ATF7: variants seen among roughly 807,000 people sequenced by gnomAD.
The protein encoded by ATF7 is activating transcription factor 7, also known as cyclic AMP-dependent transcription factor ATF-7.
ATF7 carries 10 observed loss-of-function variants against 50.4 expected under a neutral mutation model. The observed-to-expected ratio is 0.20, with a 90% CI of 0.12 to 0.34. The LOEUF (loss-of-function observed/expected upper bound fraction) is 0.34. Among genes scored for constraint, ATF7 ranks in the 10% least tolerant of loss-of-function variants. ATF7 has a pLI of 1.00. For synonymous variants in ATF7, 201 were observed against 226.4 expected (o/e 0.89, Z 1.01); for missense variants, 465 against 613.9 (o/e 0.76, Z 2.56).
At chr12:53,615,838 T>C (rs1046804366) in intron 1 of ATF7, among the ~76,000 whole-genome samples, 2 of 151,502 alleles carry the variant, frequency 1.3e-5, no homozygotes, top group Non-Finnish European at 2.9e-5. Context: ...CAGTGAGTTA[T>C]GATCACGCCA....
chr12:53,619,575 G>A (rs1171330074), intron 1 of ATF7, among the ~76,000 whole-genome samples: 6 of 151,938 alleles, frequency 3.9e-5, no homozygotes, highest in Admixed American at 3.9e-4. Flanking sequence ...CACTTTGGGA[G>A]GCCAAAGCAG....
intron 2 of ATF7, among the ~76,000 whole-genome samples, chr12:53,565,501 A>T (rs1041265716): frequency 8.7e-4 from 9 of 10,392 alleles, no homozygotes; most frequent in South Asian, 3.6e-3. Context: ...GGCGGGGGGG[A>T]GGGGGGCAGG....
chr12:53,603,735 A>C (rs1287210759), intron 1 of ATF7, among the ~76,000 whole-genome samples: 1 of 151,824 alleles, frequency 6.6e-6, no homozygotes, highest in Non-Finnish European at 1.5e-5. Flanking sequence ...AAAAAAAAAA[A>C]CACAGCTAAC....
downstream of ATF7, chr12:53,512,013 A>C (rs1377413232): frequency 6.6e-6 from 1 of 152,308 alleles, no homozygotes; most frequent in African/African-American, 2.4e-5. Context: ...AAAAGGGGAC[A>C]ATGGGGGCTG....
At chr12:53,585,465 C>T (rs12580534) in intron 2 of ATF7, among the ~76,000 whole-genome samples, 1 of 152,008 alleles carries the variant, frequency 6.6e-6, no homozygotes, top group African/African-American at 2.4e-5. Flanking sequence ...GAATCCTCTG[C>T]ACTTTTCACT....
intron 3 of ATF7, among the ~76,000 whole-genome samples, chr12:53,545,301 T>TA (rs1310866184): frequency 1.3e-5 from 2 of 152,138 alleles, no homozygotes; most frequent in Non-Finnish European, 1.5e-5. Flanking sequence ...TAATGAATCC[T>TA]AAAAAAATCA....
intron 5 of ATF7, 102 bp downstream of exon 5, chr12:53,537,313 C>T: frequency 7.2e-7 from 1 of 1,393,100 alleles, no homozygotes; most frequent in South Asian, 1.5e-5. Flanking sequence ...AAGTGATTCT[C>T]CCATCTTGGC....
chr12:53,523,073 C>A, intron 11 of ATF7: 2 of 490,386 alleles, frequency 4.1e-6, no homozygotes, highest in African/African-American at 3.9e-5. Flanking sequence ...CCCTTCAACC[C>A]CCAACTATAA....
chr12:53,537,417 TCTC>T lies in ATF7; in HGVS notation c.397_399del (p.Glu133del). The T allele has an allele frequency of 2.5e-6, 4 of 1,613,538 alleles. No individual in the cohort carries two copies. Among genetic ancestry groups the T allele is most frequent in the African/African-American group, 1.3e-5 (1 of 75,016 alleles). ...ATGATCCTTGGTAGAGAATTTACCT[TCTC>T]CTTCAGTGGTGGGGAACAGGGACTA... On this transcript the variant is annotated inframe_deletion, in exon 5 of 12. Coordinates refer to ENST00000420353, the MANE Select transcript of ATF7 (RefSeq NM_006856.3).
At chr12:53,567,533 T>G (rs1592890148) in intron 2 of ATF7, among the ~76,000 whole-genome samples, 1 of 152,314 alleles carries the variant, frequency 6.6e-6, no homozygotes, top group East Asian at 1.9e-4. Context: ...GGAACTACGC[T>G]TAAGAATTAA....
intron 3 of ATF7, among the ~76,000 whole-genome samples, chr12:53,550,116 A>G (rs547527084): frequency 1.1e-4 from 17 of 152,128 alleles, no homozygotes; most frequent in African/African-American, 4.1e-4. Context: ...CGAGGCCAGG[A>G]GTTCAAGACC....
intron 2 of ATF7, among the ~76,000 whole-genome samples, chr12:53,558,753 C>T (rs1940906680): frequency 6.6e-6 from 1 of 152,126 alleles, no homozygotes; most frequent in South Asian, 2.1e-4. Context: ...TTAAGAAATA[C>T]TAAGAAGCAT....
Position 53,531,842 on chromosome 12 carries a change from T to C in ATF7, c.829A>G (p.Met277Val), listed in dbSNP as rs752086200. 2.9e-5 allele frequency: 47 copies of C among 1,613,572 alleles called. 1 individual carries two copies. Among genetic ancestry groups the C allele is most frequent in the Non-Finnish European group, 3.1e-5 (36 of 1,179,864 alleles). The change falls in exon 9 of 12, where the codon ATG becomes GTG. Residue 277 changes from methionine (M) to valine (V), a missense_variant. Transcript: ENST00000420353. ...QVSSINGGCG[M>V]VVGTASTMVT... ...ATGGTGCTGGCAGTACCCACCACCA[T>C]TCCACAACCACCATTGATTGAGGAG...
At chr12:53,569,391 A>G (rs1177529009) in intron 2 of ATF7, among the ~76,000 whole-genome samples, 2 of 152,152 alleles carry the variant, frequency 1.3e-5, no homozygotes, top group Admixed American at 1.3e-4. Flanking sequence ...TGCATCTGCT[A>G]TTCTCTTATA....
At chr12:53,549,146 G>T (rs1402464193) in intron 3 of ATF7, among the ~76,000 whole-genome samples, 1 of 152,046 alleles carries the variant, frequency 6.6e-6, no homozygotes, top group African/African-American at 2.4e-5. Flanking sequence ...AATTAGCCAG[G>T]TGTGGCGGCG....
At chr12:53,546,394 GAA>G (rs1457994209) in intron 3 of ATF7, among the ~76,000 whole-genome samples, 1 of 72,244 alleles carries the variant, frequency 1.4e-5, no homozygotes, top group Non-Finnish European at 2.9e-5. Context: ...AAAAACAGGA[GAA>G]AAAAGAAAAT....
Position 53,514,263 on chromosome 12 carries a change from G to C in ATF7, c.*2874C>G, listed in dbSNP as rs1004583451. On this transcript the variant is annotated 3_prime_UTR_variant, in exon 12 of 12. Coordinates refer to ENST00000420353, the MANE Select transcript of ATF7 (RefSeq NM_006856.3). ...GTGTATCGAGCACTCACATTGGAGT[G>C]GGGTGGGAAGCCTGAGTCCTGTATT... The C allele has an allele frequency of 5.9e-5, 9 of 152,114 alleles. No individual in the cohort carries two copies. Among genetic ancestry groups the C allele is most frequent in the African/African-American group, 2.2e-4 (9 of 41,416 alleles). 9.4% of individuals were successfully genotyped at this position (152,114 alleles called of 1,614,324 possible).
chr12:53,616,968 G>C (rs1462508739), intron 1 of ATF7, among the ~76,000 whole-genome samples: 1 of 149,930 alleles, frequency 6.7e-6, no homozygotes, highest in Non-Finnish European at 1.5e-5. Context: ...AAAAAGGTGA[G>C]AAAAAGCTAA....
intron 2 of ATF7, among the ~76,000 whole-genome samples, chr12:53,586,408 T>A (rs1942681618): frequency 8.0e-6 from 1 of 125,778 alleles, no homozygotes; most frequent in South Asian, 2.9e-4. Flanking sequence ...ATTGCCACCA[T>A]GTAAAAAAAA....
Sources: gnomAD v4.1 joint callset for allele counts (sites outside exome capture counted in the v4.1 genomes callset) on GRCh38, gnomAD v4.1.1 for gene constraint, MANE v1.5 for transcripts, NCBI Gene and HGNC (gene_info 2026-07-23, HGNC 2026-07-21) for gene names.